HERC5: variants seen among roughly 807,000 people sequenced by gnomAD.
HERC5 encodes E3 ISG15--protein ligase HERC5.
HERC5 carries 99 observed loss-of-function variants against 119.6 expected under a neutral mutation model. The ratio of observed to expected loss-of-function variants is 0.83; its 90% CI spans 0.70 to 0.98. The LOEUF is 0.98. Ranked by LOEUF, HERC5 falls within the 50% of genes least tolerant of loss-of-function variation. The pLI is 0.00. For synonymous variants in HERC5, 478 were observed against 445.9 expected (o/e 1.07, Z -0.91); for missense variants, 1,267 against 1,241.3 (o/e 1.02, Z -0.31).
At chr4:88,478,770 C>T (rs972135035) in intron 12 of HERC5, among the ~76,000 whole-genome samples, 1 of 151,980 alleles carries the variant, frequency 6.6e-6, no homozygotes, top group East Asian at 1.9e-4. Flanking sequence ...GCCACCACGC[C>T]CTGCTAATTT....
At chr4:88,459,726 CACA>C (rs1740347920) in intron 2 of HERC5, among the ~76,000 whole-genome samples, 1 of 152,090 alleles carries the variant, frequency 6.6e-6, no homozygotes, top group Non-Finnish European at 1.5e-5. Context: ...ATTTGATCCT[CACA>C]ATAATCCTAT....
At chr4:88,471,911 C>G (rs779774530) in intron 10 of HERC5, among the ~76,000 whole-genome samples, 3 of 151,520 alleles carry the variant, frequency 2.0e-5, no homozygotes, top group Non-Finnish European at 4.4e-5. Context: ...AAACCTTTAT[C>G]TTTTTTCTAT....
In HERC5 at chr4:88,472,550, C is replaced by A. The variant is rs758680856; in HGVS notation, c.1392+48C>A. On this transcript the variant is annotated intron_variant, in intron 11 of 22. Transcript: ENST00000264350. ...AGAAAGAAAATACACCAGAATATTT[C>A]TTAAAAGAACTCAAAATTTCAGAAG... is the stretch of plus-strand genomic sequence containing the variant. The A allele has an allele frequency of 8.6e-6, 9 of 1,049,940 alleles. No homozygotes were observed. In the Admixed American group the frequency reaches 1.2e-4, roughly 15 times the overall value. 65.0% of individuals were successfully genotyped at this position (1,049,940 alleles called of 1,614,324 possible).
rs1740747224 is a variant in HERC5 at position 88,468,367 on chromosome 4, A to G, written c.1079A>G (p.Glu360Gly). Residue 360 changes from glutamate (E) to glycine (G), a missense_variant, in exon 8 of 23, where the codon GAG (glutamate) becomes GGG (glycine). Coordinates refer to ENST00000264350, the MANE Select transcript of HERC5 (RefSeq NM_016323.4). Reference protein sequence around the residue: ...LKLESHTSEKELIMIAGGNQS... With the variant: ...LKLESHTSEKGLIMIAGGNQS... ...TCAGAAAGCCATACCTCAGAAAAGGAGTTAATAATGATTGCTGGAGGGAAT... is the reference window on the plus strand; with the variant it reads ...TCAGAAAGCCATACCTCAGAAAAGGGGTTAATAATGATTGCTGGAGGGAAT... 1.2e-6 allele frequency: 2 copies of G among 1,611,618 alleles called. No individual in the cohort carries two copies. The highest frequency in any genetic ancestry group is 1.3e-5 in the African/African-American group (1 of 74,834).
At position 88,463,613 on chromosome 4, in the gene HERC5, T is replaced by C; in HGVS notation, c.770T>C (p.Leu257Pro). ...GCTTGTGGTGGCTCTCACAGTGCCC[T>C]ACTCACACAGGTGGGTGTACCCTTG... ...FVACGGSHSA[L>P]LTQDGLLFTF... Residue 257 changes from leucine (L) to proline (P), a missense_variant, in exon 5 of 23, where the codon CTA becomes CCA. Leu to Pro is a moderately conservative substitution (Grantham distance 98, BLOSUM62 -3). Around this residue, in one of 3 missense-constraint regions of HERC5, gnomAD observed 777 missense variants for 758.0 expected, o/e 1.03. Coordinates refer to ENST00000264350, the MANE Select transcript of HERC5 (RefSeq NM_016323.4). 6.2e-7 allele frequency: 1 copy of C among 1,612,464 alleles called. No individual in the cohort carries two copies. Among genetic ancestry groups the C allele is most frequent in the African/African-American group, 1.3e-5 (1 of 74,908 alleles).
In HERC5 at chr4:88,476,004, T is replaced by C. The variant is rs1741054547; in HGVS notation, c.1556T>C (p.Met519Thr). Residue 519 changes from methionine to threonine, a missense_variant, in exon 12 of 23, where the codon ATG (methionine) becomes ACG (threonine). Transcript: ENST00000264350. ...CCATTTGCAAAGGTTGTTTGTAAAATGAGTGACCAGTCTTCACTGGTTCTG... is the reference window on the plus strand; with the variant it reads ...CCATTTGCAAAGGTTGTTTGTAAAACGAGTGACCAGTCTTCACTGGTTCTG... ...VVPFAKVVCK[M>T]SDQSSLVLEE... The C allele has an allele frequency of 6.2e-7, 1 of 1,613,826 alleles. No individual in the cohort carries two copies. Among genetic ancestry groups the C allele is most frequent in the Non-Finnish European group, 8.5e-7 (1 of 1,179,970 alleles).
chr4:88,493,805 G>A (rs1741721411), intron 17 of HERC5, among the ~76,000 whole-genome samples: 2 of 151,496 alleles, frequency 1.3e-5, no homozygotes, highest in Admixed American at 1.3e-4. Flanking sequence ...GTAGAGATGG[G>A]GTTTCACCAG....
In HERC5 at chr4:88,483,211, CTGT is replaced by C. The variant is rs145458874; in HGVS notation, c.1738-2890_1738-2888del. ...AGTATCATTTACTTATAGGGGTTTGCTGTTGTTGTTGTTGTTTTGAGTTGGAGT... is the reference window on the plus strand; with the variant it reads ...AGTATCATTTACTTATAGGGGTTTGCTGTTGTTGTTGTTTTGAGTTGGAGT... On this transcript the variant is annotated intron_variant, in intron 13 of 22. Transcript: ENST00000264350. Among the ~76,000 whole-genome samples, 549 of 151,826 alleles carry C rather than the reference CTGT, an allele frequency of 3.6e-3. 5 individuals are homozygous for C. The highest frequency in any genetic ancestry group is 0.012 in the African/African-American group (502 of 41,394).
At chr4:88,492,873 T>C in intron 16 of HERC5, 139 bp from the exon 17 acceptor site, 1 of 629,902 alleles carries the variant, frequency 1.6e-6, no homozygotes, top group Non-Finnish European at 2.6e-6. Flanking sequence ...TATGATAATA[T>C]AAGTAGGATA....
chr4:88,486,362 A>G (rs190219377), intron 14 of HERC5, 134 bp downstream of exon 14: 9 of 552,526 alleles, frequency 1.6e-5, no homozygotes, highest in East Asian at 1.2e-4. Flanking sequence ...AATCTATGCA[A>G]TTTTGCAGTC....
rs780917266 is a variant in HERC5, at chr4:88,479,425, G to A, written c.1655G>A (p.Cys552Tyr). 33 of 1,612,758 alleles carry A rather than the reference G, an allele frequency of 2.0e-5. No individual in the cohort carries two copies. The highest frequency in any genetic ancestry group is 2.7e-5 in the Non-Finnish European group (32 of 1,179,244). ...CAGATGTTTAAAACAGCCGTCATAT[G>A]CCAGTTGGATTACTGGGATGAAAGT... is the stretch of plus-strand genomic sequence containing the variant. ...LVQMFKTAVI[C>Y]QLDYWDESAE... Residue 552 changes from cysteine (C) to tyrosine (Y), a missense_variant, in exon 13 of 23, where the codon TGC becomes TAC. Physicochemically the swap from Cys to Tyr is radical, Grantham distance 194. Coordinates refer to ENST00000264350, the MANE Select transcript of HERC5 (RefSeq NM_016323.4).
At chr4:88,469,727 T>G (rs1429924755) in intron 9 of HERC5, among the ~76,000 whole-genome samples, 2 of 152,230 alleles carry the variant, frequency 1.3e-5, no homozygotes, top group Non-Finnish European at 2.9e-5. Context: ...CCATTTTAAA[T>G]GTTAATCTCA....
chr4:88,479,863 C>T (rs1016975769), intron 13 of HERC5, among the ~76,000 whole-genome samples: 2 of 151,950 alleles, frequency 1.3e-5, no homozygotes, highest in East Asian at 1.9e-4. Flanking sequence ...GTCAGGAGAT[C>T]GAGACAATCA....
At chr4:88,497,331 G>C (rs1273640345) in intron 18 of HERC5, among the ~76,000 whole-genome samples, 1 of 152,176 alleles carries the variant, frequency 6.6e-6, no homozygotes, top group Non-Finnish European at 1.5e-5. Flanking sequence ...GGTCTTCTTA[G>C]AGATTACCTA....
rs910313187 is a variant in HERC5 at position 88,467,650 on chromosome 4, C to T, written c.1057+446C>T. 9.8e-5 allele frequency among the ~76,000 whole-genome samples: 15 copies of T among 152,334 alleles called. No individual in the cohort carries two copies. The East Asian group carries it at 2.9e-3, about 29-fold the overall frequency. On this transcript the variant is annotated intron_variant, in intron 7 of 22. Coordinates refer to ENST00000264350, the MANE Select transcript of HERC5 (RefSeq NM_016323.4). Reference sequence around the variant, plus strand: ...ACTTACTTGTGTTATCTCACCAATCCTTGTAACAGTTCCTGGGAGGTGTAT... The same window carrying T: ...ACTTACTTGTGTTATCTCACCAATCTTTGTAACAGTTCCTGGGAGGTGTAT...
At chr4:88,458,423 C>T (rs2149081420) in intron 1 of HERC5, among the ~76,000 whole-genome samples, 1 of 150,924 alleles carries the variant, frequency 6.6e-6, no homozygotes, top group African/African-American at 2.4e-5. Flanking sequence ...TAAAATTTTT[C>T]GTACGCTTGG....
At chr4:88,479,301 A>G in intron 12 of HERC5, 52 bp from the exon 13 acceptor site, 1 of 1,437,242 alleles carries the variant, frequency 7.0e-7, no homozygotes, top group Non-Finnish European at 9.3e-7. Context: ...AAAAAAAAAA[A>G]AGCACAATAA....
chr4:88,472,585 G>C, intron 11 of HERC5, 83 bp downstream of exon 11: 1 of 833,836 alleles, frequency 1.2e-6, no homozygotes, highest in Non-Finnish European at 2.0e-6. Flanking sequence ...GAAATGTTTT[G>C]TGTTAAGGGA....
Position 88,467,774 on chromosome 4 carries a change from G to A in HERC5, c.1057+570G>A, listed in dbSNP as rs79380028. On this transcript the variant is annotated intron_variant, in intron 7 of 22. Coordinates refer to ENST00000264350, the MANE Select transcript of HERC5 (RefSeq NM_016323.4). Reference sequence around the variant, plus strand: ...AAGTGGTTTGTCTGGAGTTGAACCCGTGCCCTTTATGACCTCAGAGTCTGA... The same window carrying A: ...AAGTGGTTTGTCTGGAGTTGAACCCATGCCCTTTATGACCTCAGAGTCTGA... 3.8e-4 allele frequency: 129 copies of A among 340,382 alleles called. 1 individual carries two copies. In the East Asian group the frequency reaches 0.017, roughly 45 times the overall value. 21.1% of individuals were successfully genotyped at this position (340,382 alleles called of 1,614,324 possible).
Sources: gnomAD v4.1 joint callset for allele counts (sites outside exome capture counted in the v4.1 genomes callset) on GRCh38, gnomAD v4.1.1 for gene constraint, gnomAD v4.1.1 regional missense constraint, MANE v1.5 for transcripts, NCBI Gene and HGNC (gene_info 2026-07-23, HGNC 2026-07-21) for gene names.